RBPJ: variants seen among roughly 807,000 people sequenced by gnomAD.
RBPJ encodes recombination signal binding protein for immunoglobulin kappa J region.
RBPJ carries 9 observed loss-of-function variants against 67.8 expected under a neutral mutation model. That is an observed-to-expected ratio of 0.13 (90% CI 0.08 to 0.23). RBPJ has a LOEUF of 0.23. RBPJ is among the 10% of genes least tolerant of loss of function. RBPJ has a pLI of 1.00. For missense variants in RBPJ, 305 were observed against 595.6 expected (o/e 0.51, Z 5.08); for synonymous variants, 198 against 203.3 (o/e 0.97, Z 0.22).
chr4:26,202,332 T>C (rs946774622), intron 1 of RBPJ, among the ~76,000 whole-genome samples: 2 of 151,076 alleles, frequency 1.3e-5, no homozygotes, highest in Non-Finnish European at 2.9e-5. Context: ...CAAGAATGAC[T>C]CCAGGGTTTT....
chr4:26,148,869 A>G, the RBPJ span, among the ~76,000 whole-genome samples: 4 of 152,232 alleles, frequency 2.6e-5, no homozygotes, highest in African/African-American at 4.8e-5. Flanking sequence ...ATGCTCTGAA[A>G]CTGAGCAATA....
chr4:26,157,009 G>A, the RBPJ span, among the ~76,000 whole-genome samples: 2 of 150,926 alleles, frequency 1.3e-5, no homozygotes, highest in African/African-American at 4.9e-5. Context: ...CAGGGAGACT[G>A]AGGCTGTGGT....
chr4:26,232,137 C>A (rs947556979), intron 1 of RBPJ, among the ~76,000 whole-genome samples: 10 of 151,958 alleles, frequency 6.6e-5, no homozygotes, highest in Admixed American at 4.6e-4. Context: ...CTCAAATGAT[C>A]CAACCTCCTC....
rs1349491201 is a variant in RBPJ, at chr4:26,312,952, T to C, written c.-166-49494T>C. 3.9e-5 allele frequency among the ~76,000 whole-genome samples: 6 copies of C among 152,242 alleles called. No individual in the cohort carries two copies. In the East Asian group the frequency reaches 1.2e-3, roughly 29 times the overall value. On this transcript the variant is annotated intron_variant, in intron 1 of 4. Transcript: ENST00000512351. ...TGTGTATGACAGATGACAGGTTCTC[T>C]CTCTGTCTCGCCCAGGCTGGAGTGC...
intron 4 of RBPJ, among the ~76,000 whole-genome samples, chr4:26,418,625 A>C (rs1323015214): frequency 3.3e-5 from 5 of 151,974 alleles, no homozygotes; most frequent in Non-Finnish European, 7.4e-5. Context: ...GCTGGATTTC[A>C]GTATTTTCTC....
intron 1 of RBPJ, among the ~76,000 whole-genome samples, chr4:26,236,198 A>ATTCC (rs1198465566): frequency 6.6e-6 from 1 of 152,138 alleles, no homozygotes; most frequent in Non-Finnish European, 1.5e-5. Context: ...AGCCACGTAA[A>ATTCC]CTCTGGCTGT....
At chr4:26,429,676 T>C (rs1022220212) in intron 8 of RBPJ, among the ~76,000 whole-genome samples, 1 of 152,224 alleles carries the variant, frequency 6.6e-6, no homozygotes, top group Non-Finnish European at 1.5e-5. Context: ...GTCACTGAAA[T>C]AGTTTGTATT....
chr4:26,364,481 A>C (rs1335471973), intron 1 of RBPJ, among the ~76,000 whole-genome samples: 6 of 152,108 alleles, frequency 3.9e-5, no homozygotes, highest in Admixed American at 6.5e-5. Flanking sequence ...AATACTTGCT[A>C]TCTCAACTTT....
At chr4:26,113,590 T>C in the RBPJ span, 8 of 407,902 alleles carry the variant, frequency 2.0e-5, no homozygotes, top group Admixed American at 1.4e-4. Context: ...GCAAAGCACA[T>C]GGGAAATCCT....
At position 26,432,689 on chromosome 4, in the gene RBPJ, T is replaced by A. The variant is rs1486269512; in HGVS notation, c.*1682T>A. The A allele has an allele frequency of 6.6e-6, 1 of 152,180 alleles. No homozygotes were observed. The highest frequency in any genetic ancestry group is 1.5e-5 in the Non-Finnish European group (1 of 68,032). The allele number at this position is 152,180 out of a possible 1,614,324, so 9.4% of individuals were successfully genotyped here. ...CACAGTCTAGTAATACAATCATCCC[T>A]CTTAGAGTAAAAACTACCTCTAGAT... On this transcript the variant is annotated 3_prime_UTR_variant, in exon 11 of 11. Coordinates refer to ENST00000355476, the MANE Select transcript of RBPJ (RefSeq NM_015874.6).
At chr4:26,143,507 A>C in the RBPJ span, among the ~76,000 whole-genome samples, 1 of 152,250 alleles carries the variant, frequency 6.6e-6, no homozygotes, top group African/African-American at 2.4e-5. Context: ...ATCATGTGGA[A>C]AAGAGATGGG....
At chr4:26,177,193 C>T (rs982131706) in intron 1 of RBPJ, among the ~76,000 whole-genome samples, 5 of 152,168 alleles carry the variant, frequency 3.3e-5, no homozygotes, top group African/African-American at 1.2e-4. Context: ...TCATCCTCCT[C>T]ATCTTAAATT....
intron 1 of RBPJ, among the ~76,000 whole-genome samples, chr4:26,233,241 T>TGG (rs1015411501): frequency 2.0e-5 from 3 of 152,236 alleles, no homozygotes; most frequent in Non-Finnish European, 2.9e-5. Flanking sequence ...ATTAAAATAC[T>TGG]GGGGGGGAAA....
At chr4:26,156,712 C>T in the RBPJ span, among the ~76,000 whole-genome samples, 1 of 152,028 alleles carries the variant, frequency 6.6e-6, no homozygotes, top group African/African-American at 2.4e-5. Context: ...ACGTCGGCCT[C>T]CCAAAGTGCT....
At chr4:26,319,161 C>A (rs376395461), upstream of RBPJ, among the ~76,000 whole-genome samples, 11 of 152,170 alleles carry the variant, frequency 7.2e-5, no homozygotes, top group East Asian at 5.8e-4. Context: ...AGGCGGGGGG[C>A]GCGGTGTCTA....
chr4:26,284,856 A>C (rs1438844001), intron 1 of RBPJ, among the ~76,000 whole-genome samples: 20 of 149,936 alleles, frequency 1.3e-4, no homozygotes, highest in Admixed American at 1.3e-3. Flanking sequence ...GGTTAAACTT[A>C]ACTTTTTTTT....
intron 2 of RBPJ, among the ~76,000 whole-genome samples, chr4:26,388,500 T>A (rs1289039177): frequency 6.6e-6 from 1 of 152,208 alleles, no homozygotes; most frequent in Non-Finnish European, 1.5e-5. Context: ...AAGTATAGCT[T>A]TATTTGTAAA....
intron 3 of RBPJ, chr4:26,412,828 G>A (rs956158397): frequency 1.3e-5 from 2 of 152,140 alleles, no homozygotes; most frequent in South Asian, 2.1e-4. Context: ...GTAAGCATTG[G>A]GTAGCTCCCA....
the RBPJ span, among the ~76,000 whole-genome samples, chr4:26,150,309 C>A: frequency 7.0e-3 from 1,067 of 152,244 alleles, 16 homozygotes; most frequent in African/African-American, 0.024. Context: ...AACCACAGGT[C>A]CTAGAGGGGC....
Sources: gnomAD v4.1 joint callset for allele counts (sites outside exome capture counted in the v4.1 genomes callset) on GRCh38, gnomAD v4.1.1 for gene constraint, MANE v1.5 for transcripts, NCBI Gene and HGNC (gene_info 2026-07-23, HGNC 2026-07-21) for gene names.